Variants in LRRTM4 observed in about 807,000 individuals in gnomAD.
LRRTM4 encodes leucine rich repeat transmembrane neuronal 4.
In LRRTM4, 25 loss-of-function variants were observed where a neutral mutation model predicts 47.6. The ratio of observed to expected loss-of-function variants is 0.53; its 90% CI spans 0.38 to 0.73. The LOEUF (loss-of-function observed/expected upper bound fraction) is 0.73, where lower values mean the gene tolerates loss of function less well. Among genes scored for constraint, LRRTM4 ranks in the 30% least tolerant of loss-of-function variants. The pLI, the probability that LRRTM4 is intolerant of heterozygous loss-of-function variation, is 0.00. For synonymous variants in LRRTM4, 311 were observed against 269.5 expected (o/e 1.15, Z -1.51); for missense variants, 638 against 713.4 (o/e 0.89, Z 1.20).
chr2:76,828,048 G>A (rs75758349), intron 3 of LRRTM4, among the ~76,000 whole-genome samples: 5 of 151,916 alleles, frequency 3.3e-5, no homozygotes, highest in Non-Finnish European at 5.9e-5. Flanking sequence ...ATTGCTTAGC[G>A]TAAGTGTTTA....
chr2:76,897,601 T>A (rs1673466431), intron 3 of LRRTM4, among the ~76,000 whole-genome samples: 1 of 152,150 alleles, frequency 6.6e-6, no homozygotes, highest in Non-Finnish European at 1.5e-5. Flanking sequence ...TAGGCCTTTG[T>A]TAAAGGTAGC....
intron 3 of LRRTM4, among the ~76,000 whole-genome samples, chr2:76,910,057 T>C (rs1673994176): frequency 2.0e-5 from 3 of 152,260 alleles, no homozygotes; most frequent in East Asian, 3.9e-4. Context: ...GTATGTTTAT[T>C]GTGGCACTAT....
chr2:77,369,413 G>C (rs183383666), intron 3 of LRRTM4, among the ~76,000 whole-genome samples: 54 of 151,464 alleles, frequency 3.6e-4, no homozygotes, highest in Admixed American at 3.6e-3. Flanking sequence ...GGGAGATGTA[G>C]GTCAAAGAAT....
intron 3 of LRRTM4, among the ~76,000 whole-genome samples, chr2:76,809,859 G>GT (rs924057303): frequency 1.3e-5 from 2 of 152,072 alleles, no homozygotes; most frequent in East Asian, 1.9e-4. Flanking sequence ...TGGACATTCT[G>GT]TTTTTTCTGG....
At chr2:77,076,292 GC>G (rs1333841744) in intron 3 of LRRTM4, among the ~76,000 whole-genome samples, 1 of 152,040 alleles carries the variant, frequency 6.6e-6, no homozygotes, top group Non-Finnish European at 1.5e-5. Flanking sequence ...CTAATTTGTA[GC>G]AATACATATT....
At chr2:77,060,125 A>C (rs570021954) in intron 3 of LRRTM4, among the ~76,000 whole-genome samples, 3 of 152,276 alleles carry the variant, frequency 2.0e-5, no homozygotes, top group South Asian at 4.1e-4. Context: ...GAACAACTGG[A>C]GTCAGTTTGT....
intron 3 of LRRTM4, among the ~76,000 whole-genome samples, chr2:77,397,856 T>C (rs1479181315): frequency 6.6e-6 from 1 of 151,802 alleles, no homozygotes; most frequent in Admixed American, 6.6e-5. Context: ...ATTCCATTGG[T>C]AGTGATGGTT....
At chr2:77,238,514 T>C (rs555722099) in intron 3 of LRRTM4, among the ~76,000 whole-genome samples, 1 of 151,374 alleles carries the variant, frequency 6.6e-6, no homozygotes, top group South Asian at 2.1e-4. Context: ...CCATGTTGCC[T>C]TGCCCTCTTT....
At chr2:77,174,687 G>A (rs1001603373) in intron 3 of LRRTM4, among the ~76,000 whole-genome samples, 1 of 151,996 alleles carries the variant, frequency 6.6e-6, no homozygotes, top group Non-Finnish European at 1.5e-5. Flanking sequence ...GGGTACATGT[G>A]CACAACGTGC....
chr2:77,164,641 A>T (rs898399697), intron 3 of LRRTM4, among the ~76,000 whole-genome samples: 2 of 152,180 alleles, frequency 1.3e-5, no homozygotes, highest in Admixed American at 6.5e-5. Flanking sequence ...ATCAAACTAG[A>T]ACTCAGGATT....
intron 3 of LRRTM4, among the ~76,000 whole-genome samples, chr2:77,258,103 A>G (rs1257943820): frequency 6.8e-6 from 1 of 147,256 alleles, no homozygotes; most frequent in African/African-American, 2.7e-5. Context: ...TCTCAAAAAT[A>G]AAAAGAAAAG....
At chr2:77,032,643 AAAG>A (rs901805103) in intron 3 of LRRTM4, among the ~76,000 whole-genome samples, 4 of 152,168 alleles carry the variant, frequency 2.6e-5, no homozygotes, top group African/African-American at 9.7e-5. Context: ...CAGTTTTTGC[AAAG>A]AAGGATCATT....
intron 3 of LRRTM4, among the ~76,000 whole-genome samples, chr2:76,903,072 A>T (rs901248395): frequency 6.6e-6 from 1 of 152,142 alleles, no homozygotes; most frequent in African/African-American, 2.4e-5. Context: ...ACCAGATTTC[A>T]TTACAACTAC....
chr2:77,511,263 T>A (rs1219356961), intron 3 of LRRTM4, among the ~76,000 whole-genome samples: 2 of 152,072 alleles, frequency 1.3e-5, no homozygotes, highest in African/African-American at 4.8e-5. Context: ...TACAGAACTG[T>A]GTTTATTAAA....
At chr2:76,937,105 A>C (rs1251944433) in intron 3 of LRRTM4, among the ~76,000 whole-genome samples, 1 of 151,942 alleles carries the variant, frequency 6.6e-6, no homozygotes, top group African/African-American at 2.4e-5. Context: ...TTATACAGAG[A>C]TAGAAAAAAC....
intron 3 of LRRTM4, among the ~76,000 whole-genome samples, chr2:77,238,404 C>A (rs918639891): frequency 1.3e-5 from 2 of 151,970 alleles, no homozygotes; most frequent in African/African-American, 4.8e-5. Flanking sequence ...GTTTGTCTGC[C>A]ACAGAGAGGG....
chr2:76,797,936 C>T (rs1488919731), intron 3 of LRRTM4, among the ~76,000 whole-genome samples: 4 of 150,772 alleles, frequency 2.7e-5, no homozygotes, highest in East Asian at 1.9e-4. Context: ...TATATATGCA[C>T]CCAATACAGG....
intron 3 of LRRTM4, among the ~76,000 whole-genome samples, chr2:76,953,616 T>C (rs1331620959): frequency 6.6e-6 from 1 of 151,720 alleles, no homozygotes; most frequent in African/African-American, 2.4e-5. Context: ...ATGTCTGGGG[T>C]CCACAGAGAT....
chr2:77,373,088 A>ATATATATATATATAT (rs1553435845), intron 3 of LRRTM4, among the ~76,000 whole-genome samples: 4 of 140,356 alleles, frequency 2.8e-5, no homozygotes, highest in South Asian at 2.3e-4. Flanking sequence ...TTAAAAAAAA[A>ATATATATATATATAT]ATATATATAT....
Sources: gnomAD v4.1 joint callset for allele counts (sites outside exome capture counted in the v4.1 genomes callset) on GRCh38, gnomAD v4.1.1 for gene constraint, MANE v1.5 for transcripts, NCBI Gene and HGNC (gene_info 2026-07-23, HGNC 2026-07-21) for gene names.